METAP1D: variants seen among roughly 807,000 people sequenced by gnomAD.
METAP1D encodes the protein methionine aminopeptidase 1D, mitochondrial.
Under a neutral mutation model 40.5 loss-of-function variants are expected in METAP1D, and 31 were observed. The observed-to-expected ratio is 0.77, with a 90% CI of 0.58 to 1.03. The LOEUF (loss-of-function observed/expected upper bound fraction) is 1.03, where lower values mean the gene tolerates loss of function less well. Ranked by LOEUF, METAP1D falls within the 50% of genes least tolerant of loss-of-function variation. The pLI, the probability that METAP1D is intolerant of heterozygous loss-of-function variation, is 0.00. For missense variants in METAP1D, 411 were observed against 420.7 expected (o/e 0.98, Z 0.20); for synonymous variants, 151 against 146.4 (o/e 1.03, Z -0.22).
chr2:172,022,724 C>A (rs1271753604), intron 1 of METAP1D, among the ~76,000 whole-genome samples: 1 of 152,030 alleles, frequency 6.6e-6, no homozygotes, highest in Non-Finnish European at 1.5e-5. Context: ...GAATTTATTT[C>A]AAATACTTGT....
At chr2:172,015,410 A>C (rs1688833239) in intron 1 of METAP1D, among the ~76,000 whole-genome samples, 1 of 151,766 alleles carries the variant, frequency 6.6e-6, no homozygotes, top group Non-Finnish European at 1.5e-5. Flanking sequence ...ACTCTGTCTC[A>C]AAAAAAAGAA....
chr2:172,078,617 T>A (rs1029732976), intron 7 of METAP1D, among the ~76,000 whole-genome samples: 4 of 152,178 alleles, frequency 2.6e-5, no homozygotes, highest in African/African-American at 7.2e-5. Flanking sequence ...TTCGGACCCA[T>A]GCCCTCGAGG....
chr2:172,024,393 T>A (rs1420672268), intron 1 of METAP1D, among the ~76,000 whole-genome samples: 1 of 152,130 alleles, frequency 6.6e-6, no homozygotes, highest in Non-Finnish European at 1.5e-5. Context: ...ATACTTTCTC[T>A]AGTTACCTGC....
rs1165328999 is a variant in METAP1D, at chr2:172,045,815, GTGTGTATATATATATATATATATA to G, written c.41-15681_41-15658del. ...TGTATATATGTGTGTGTGTGTGTGT[GTGTGTATATATATATATATATATA>G]TATATATATATATATATATATATAT... On this transcript the variant is annotated intron_variant, in intron 1 of 9. Coordinates refer to ENST00000315796, the MANE Select transcript of METAP1D (RefSeq NM_199227.3). Among the ~76,000 whole-genome samples, 34 of 24,278 alleles carry G rather than the reference GTGTGTATATATATATATATATATA, an allele frequency of 1.4e-3. 3 individuals are homozygous for G. The highest frequency in any genetic ancestry group is 8.3e-3 in the Admixed American group (16 of 1,932). The allele number at this position is 24,278 out of a possible 152,430, so 15.9% of individuals were successfully genotyped here.
Position 172,070,996 on chromosome 2 carries a change from C to T in METAP1D, c.630C>T (p.Ala210=). The change falls in exon 6 of 10, where the codon GCC becomes GCT. Residue 210 remains alanine, a synonymous_variant. Transcript: ENST00000315796. ...GTGGTAAAAAGTTAGTGGAGGTTGC[C>T]AGGAGGTGTAGAGATGAAGCAATTG... ...DECGKKLVEV[A]RRCRDEAIAA... is the part of the protein sequence containing the mutation. The T allele has an allele frequency of 6.2e-7, 1 of 1,613,064 alleles. No homozygotes were observed. The highest frequency in any genetic ancestry group is 8.5e-7 in the Non-Finnish European group (1 of 1,179,374).
At position 172,003,829 on chromosome 2, in the gene METAP1D, A is replaced by G. The variant is rs192927489; in HGVS notation, c.40+3820A>G. Among the ~76,000 whole-genome samples the G allele has an allele frequency of 2.2e-3, 331 of 151,706 alleles. 3 individuals carry two copies. Among genetic ancestry groups the G allele is most frequent in the African/African-American group, 7.8e-3 (324 of 41,348 alleles). On this transcript the variant is annotated intron_variant, in intron 1 of 9. Coordinates refer to ENST00000315796, the MANE Select transcript of METAP1D (RefSeq NM_199227.3). ...GCACAGGGTGAAGTGCAGTGGTGCG[A>G]TCTTGGCTCACTGCAACCTCTGCCT...
chr2:172,034,425 G>A (rs1436698352), intron 1 of METAP1D, among the ~76,000 whole-genome samples: 2 of 152,154 alleles, frequency 1.3e-5, no homozygotes, highest in African/African-American at 4.8e-5. Context: ...GTGTGTGTGT[G>A]TGTGTGTTAT....
intron 1 of METAP1D, among the ~76,000 whole-genome samples, chr2:172,031,045 T>C (rs1250594151): frequency 6.6e-6 from 1 of 152,238 alleles, no homozygotes; most frequent in East Asian, 1.9e-4. Context: ...AAGACATTTA[T>C]AGTATTTTCC....
chr2:172,034,130 AT>A (rs1346812637), intron 1 of METAP1D, among the ~76,000 whole-genome samples: 2 of 151,594 alleles, frequency 1.3e-5, no homozygotes, highest in African/African-American at 4.8e-5. Context: ...ACATGGAAAT[AT>A]TTACAGTTGA....
At chr2:172,044,001 G>A (rs1171585847) in intron 1 of METAP1D, among the ~76,000 whole-genome samples, 1 of 134,532 alleles carries the variant, frequency 7.4e-6, no homozygotes, top group Non-Finnish European at 1.7e-5. Context: ...GCTGAGGCAG[G>A]AGGATTGCTT....
rs201912983 is a variant in METAP1D, at chr2:172,042,184, T to C, written c.41-19314T>C. Among the ~76,000 whole-genome samples the C allele has an allele frequency of 0.022, 1,747 of 81,118 alleles. 683 individuals carry two copies. In the East Asian group the frequency reaches 0.48, roughly 22 times the overall value. 53.2% of individuals were successfully genotyped at this position (81,118 alleles called of 152,430 possible). Reference sequence around the variant, plus strand: ...ATGTGTACACATATACATATGTATGTGTACATGTGTACACATATACATATG... The same window carrying C: ...ATGTGTACACATATACATATGTATGCGTACATGTGTACACATATACATATG... On this transcript the variant is annotated intron_variant, in intron 1 of 9. Transcript: ENST00000315796.
rs544222119 is a variant in METAP1D, at chr2:172,019,711, G to T, written c.40+19702G>T. Among the ~76,000 whole-genome samples the T allele has an allele frequency of 9.2e-5, 14 of 152,240 alleles. No homozygotes were observed. In the South Asian group the frequency reaches 2.9e-3, roughly 32 times the overall value. ...TTATAAAACCTACTCTCTGTGAATTGTGCATGCCACTAATCTTCATCTAGC... is the reference window on the plus strand; with the variant it reads ...TTATAAAACCTACTCTCTGTGAATTTTGCATGCCACTAATCTTCATCTAGC... On this transcript the variant is annotated intron_variant, in intron 1 of 9. Coordinates refer to ENST00000315796, the MANE Select transcript of METAP1D (RefSeq NM_199227.3).
In METAP1D at chr2:172,043,085, A is replaced by G. The variant is rs1424070252; in HGVS notation, c.41-18413A>G. ...TATATATATACGTGTGTGTGTACAT[A>G]TATTTACATACATATATATATATAT... On this transcript the variant is annotated intron_variant, in intron 1 of 9. Transcript: ENST00000315796. Among the ~76,000 whole-genome samples, 9 of 39,060 alleles carry G rather than the reference A, an allele frequency of 2.3e-4. 2 individuals are homozygous for G. Among genetic ancestry groups the G allele is most frequent in the Non-Finnish European group, 5.2e-4 (9 of 17,458 alleles). 25.6% of individuals were successfully genotyped at this position (39,060 alleles called of 152,430 possible). A position where few individuals can be genotyped will look rare whatever the true frequency, so the allele number is the denominator to read the frequency against.
At chr2:172,038,201 T>C (rs969251691) in intron 1 of METAP1D, among the ~76,000 whole-genome samples, 1 of 152,230 alleles carries the variant, frequency 6.6e-6, no homozygotes, top group Non-Finnish European at 1.5e-5. Context: ...AAACCTATAA[T>C]GTGGCCAAAA....
intron 1 of METAP1D, among the ~76,000 whole-genome samples, chr2:172,006,581 T>C (rs1027132899): frequency 2.6e-5 from 4 of 152,204 alleles, no homozygotes; most frequent in Non-Finnish European, 5.9e-5. Context: ...TTGGCAAAGA[T>C]GGGAGAAGTA....
intron 1 of METAP1D, among the ~76,000 whole-genome samples, chr2:172,029,428 A>G (rs1559000547): frequency 6.6e-6 from 1 of 152,242 alleles, no homozygotes; most frequent in Non-Finnish European, 1.5e-5. Context: ...GTCTCAAAGA[A>G]GAAGTACTTA....
At chr2:172,005,482 CT>C (rs2105370677) in intron 1 of METAP1D, among the ~76,000 whole-genome samples, 1 of 137,620 alleles carries the variant, frequency 7.3e-6, no homozygotes, top group South Asian at 2.4e-4. Flanking sequence ...TATTTTGTTC[CT>C]TTTTATGTCT....
At chr2:172,038,752 A>C (rs1010768023) in intron 1 of METAP1D, among the ~76,000 whole-genome samples, 1 of 152,226 alleles carries the variant, frequency 6.6e-6, no homozygotes, top group African/African-American at 2.4e-5. Flanking sequence ...GGAAATGTGC[A>C]TTACTAATGC....
At chr2:172,075,776 A>C (rs1176605276) in intron 6 of METAP1D, among the ~76,000 whole-genome samples, 2 of 152,240 alleles carry the variant, frequency 1.3e-5, no homozygotes, top group Non-Finnish European at 2.9e-5. Flanking sequence ...CAAAGCAAAC[A>C]GGAGTGTATA....
Sources: gnomAD v4.1 joint callset for allele counts (sites outside exome capture counted in the v4.1 genomes callset) on GRCh38, gnomAD v4.1.1 for gene constraint, MANE v1.5 for transcripts, NCBI Gene and HGNC (gene_info 2026-07-23, HGNC 2026-07-21) for gene names.